PRKDC: variants seen among roughly 807,000 people sequenced by gnomAD.
The protein encoded by PRKDC is protein kinase, DNA-activated, catalytic subunit.
In PRKDC, 82 loss-of-function variants were observed where a neutral mutation model predicts 486.9. That is an observed-to-expected ratio of 0.17 (90% CI 0.14 to 0.20). The LOEUF (loss-of-function observed/expected upper bound fraction) is 0.20, where lower values mean the gene tolerates loss of function less well. PRKDC is among the 10% of genes least tolerant of loss of function. PRKDC has a pLI of 1.00. For synonymous variants in PRKDC, 1,895 were observed against 1,837.0 expected, an observed-to-expected ratio of 1.03 and a Z score of -0.81; for missense variants, 4,504 against 5,038.2, an observed-to-expected ratio of 0.89 and a Z score of 3.21.
At chr8:47,863,640 T>A (rs951186610) in intron 41 of PRKDC, 63 bp from the exon 42 acceptor site, 4 of 1,342,246 alleles carry the variant, frequency 3.0e-6, no homozygotes, top group Non-Finnish European at 2.1e-6. Flanking sequence ...TCTTATAGAA[T>A]ATATCAAATT....
rs559257944 is a variant in PRKDC, at chr8:47,822,291, A to G, written c.8923-499T>C. 6.5e-3 allele frequency among the ~76,000 whole-genome samples: 957 copies of G among 147,124 alleles called. 8 individuals are homozygous for G. Among genetic ancestry groups the G allele is most frequent in the African/African-American group, 0.011 (458 of 40,686 alleles). ...CTGGGTGACCCTGTTTTAAGAGAGA[A>G]AAAAAAAAAAAAGCCACAAAAATCC... On this transcript the variant is annotated intron_variant, in intron 64 of 85. Transcript: ENST00000314191.
rs776860306 is a variant in PRKDC, at chr8:47,817,572, T to G, written c.9446-11A>C. 1 of 1,498,214 alleles carries G rather than the reference T, an allele frequency of 6.7e-7. No homozygotes were observed. Among genetic ancestry groups the G allele is most frequent in the Admixed American group, 1.8e-5 (1 of 54,350 alleles). 92.8% of individuals were successfully genotyped at this position (1,498,214 alleles called of 1,614,324 possible). A position where few individuals can be genotyped will look rare whatever the true frequency, so the allele number is the denominator to read the frequency against. The stretch of plus-strand genomic sequence containing the variant: ...GAGATGATAAATTGCCTAAAAATAG[T>G]ATTAGAGGGTGACTATACACACAGC... On this transcript the variant is annotated splice_polypyrimidine_tract_variant and intron_variant, in intron 67 of 85. Coordinates refer to ENST00000314191, the MANE Select transcript of PRKDC (RefSeq NM_006904.7).
chr8:47,903,377 T>A (rs1374632627), intron 26 of PRKDC, among the ~76,000 whole-genome samples: 1 of 152,178 alleles, frequency 6.6e-6, no homozygotes, highest in East Asian at 1.9e-4. Context: ...TGACGCTGTC[T>A]CAGATCTACA....
At chr8:47,829,279 C>T (rs77321258) in intron 61 of PRKDC, among the ~76,000 whole-genome samples, 1,798 of 152,122 alleles carry the variant, frequency 0.012, 46 homozygotes, top group African/African-American at 0.04. Flanking sequence ...ATTATGTTTA[C>T]AATATAATGA....
In PRKDC at chr8:47,774,075, A is replaced by G. The variant is rs907939746; in HGVS notation, c.*98T>C. 18 of 1,205,290 alleles carry G rather than the reference A, an allele frequency of 1.5e-5. No homozygotes were observed. The African/African-American group carries it at 2.2e-4, about 14-fold the overall frequency. 74.7% of individuals were successfully genotyped at this position (1,205,290 alleles called of 1,614,324 possible). A position where few individuals can be genotyped will look rare whatever the true frequency, so the allele number is the denominator to read the frequency against. On this transcript the variant is annotated 3_prime_UTR_variant, in exon 86 of 86. Coordinates refer to ENST00000314191, the MANE Select transcript of PRKDC (RefSeq NM_006904.7). The stretch of plus-strand genomic sequence containing the variant: ...TGTAGCACAAAAGACATTTCTCTTT[A>G]GTGTTTCAGGAAAATCAGCTCATGG...
intron 83 of PRKDC, 143 bp downstream of exon 83, chr8:47,778,316 C>T: frequency 2.3e-6 from 2 of 864,956 alleles, no homozygotes; most frequent in East Asian, 2.7e-5. Context: ...AAGTGATTAT[C>T]CCTTTCTGCA....
intron 23 of PRKDC, 41 bp from the exon 24 acceptor site, chr8:47,914,105 T>C (rs748078800): frequency 4.3e-6 from 6 of 1,382,170 alleles, no homozygotes; most frequent in Admixed American, 5.6e-5. Context: ...ACTTTTTTTC[T>C]TTTTATTAGT....
rs749630133 is a variant in PRKDC, at chr8:47,864,594, C to A, written c.5533G>T (p.Val1845Leu). The A allele has an allele frequency of 3.8e-5, 61 of 1,610,246 alleles. No homozygotes were observed. The highest frequency in any genetic ancestry group is 4.6e-5 in the Non-Finnish European group (54 of 1,178,678). Reference sequence around the variant, plus strand: ...GACTTCAACACATCAATGGCATCCACCACAATTGTGCTGAAGAATTCTCTC... The same window carrying A: ...GACTTCAACACATCAATGGCATCCAACACAATTGTGCTGAAGAATTCTCTC... ...ALREFFSTIV[V>L]DAIDVLKSRF... The change falls in exon 41 of 86, where the codon GTG becomes TTG. Residue 1845 changes from valine (V) to leucine (L), a missense_variant. Physicochemically the swap from Val to Leu is conservative, Grantham distance 32. Coordinates refer to ENST00000314191, the MANE Select transcript of PRKDC (RefSeq NM_006904.7).
chr8:47,913,873 T>C (rs763020024), intron 24 of PRKDC, 28 bp downstream of exon 24: 2 of 1,569,900 alleles, frequency 1.3e-6, no homozygotes, highest in Admixed American at 1.9e-5. Context: ...AGGATCTAAA[T>C]AATGGGTGAA....
At chr8:47,824,034 T>G (rs753304823) in intron 63 of PRKDC, 38 bp from the exon 64 acceptor site, 34 of 1,472,892 alleles carry the variant, frequency 2.3e-5, no homozygotes, top group Non-Finnish European at 2.9e-5. Context: ...CAATGAACAC[T>G]CCAGTATTTT....
At chr8:47,809,896 G>T (rs768241900) in intron 68 of PRKDC, among the ~76,000 whole-genome samples, 22 of 152,120 alleles carry the variant, frequency 1.4e-4, no homozygotes, top group Non-Finnish European at 2.5e-4. Context: ...GGAGTGTGGT[G>T]GCAATGTGAC....
At chr8:47,856,329 G>A (rs1267835916) in intron 49 of PRKDC, among the ~76,000 whole-genome samples, 2 of 152,080 alleles carry the variant, frequency 1.3e-5, no homozygotes, top group African/African-American at 4.8e-5. Context: ...CCGGGTTTAA[G>A]CAATTCTCCT....
chr8:47,834,884 G>A (rs2087978763), intron 58 of PRKDC, among the ~76,000 whole-genome samples: 1 of 151,774 alleles, frequency 6.6e-6, no homozygotes, highest in Non-Finnish European at 1.5e-5. Flanking sequence ...TAGAGACGGG[G>A]TTTCACCGTG....
At chr8:47,885,849 G>T in intron 36 of PRKDC, 95 bp downstream of exon 36, 1 of 1,187,198 alleles carries the variant, frequency 8.4e-7, no homozygotes, top group Non-Finnish European at 1.2e-6. Flanking sequence ...CAGAGATCGT[G>T]CCACTGCACT....
At position 47,830,602 on chromosome 8, in the gene PRKDC, G is replaced by C; in HGVS notation, c.8397+3C>G. 1 of 1,613,190 alleles carries C rather than the reference G, an allele frequency of 6.2e-7. No homozygotes were observed. The highest frequency in any genetic ancestry group is 8.5e-7 in the Non-Finnish European group (1 of 1,179,460). On this transcript the variant is annotated splice_donor_region_variant and intron_variant, in intron 61 of 85. Transcript: ENST00000314191. Reference sequence around the variant, plus strand: ...AACAGAAAACGCAGCGGCAAAAACTGACCTGGGCCACGGCCTGTAACGGGG... The same window carrying C: ...AACAGAAAACGCAGCGGCAAAAACTCACCTGGGCCACGGCCTGTAACGGGG...
intron 43 of PRKDC, 71 bp from the exon 44 acceptor site, chr8:47,862,198 TTAATGCTATG>T (rs1398106958): frequency 3.3e-5 from 47 of 1,441,396 alleles, no homozygotes; most frequent in African/African-American, 5.7e-5. Flanking sequence ...TACTTTAGAA[TTAATGCTATG>T]TAATAGCTCA....
At chr8:47,919,520 T>C (rs2090039993) in intron 21 of PRKDC, among the ~76,000 whole-genome samples, 1 of 152,226 alleles carries the variant, frequency 6.6e-6, no homozygotes, top group Admixed American at 6.5e-5. Context: ...GTGCATTCAC[T>C]GACACAGCCA....
At chr8:47,890,156 A>AATG (rs1196468213) in intron 32 of PRKDC, 101 bp downstream of exon 32, 14 of 462,078 alleles carry the variant, frequency 3.0e-5, no homozygotes, top group African/African-American at 3.0e-4. Context: ...TAATAATAAT[A>AATG]ATGATAAATT....
rs1563826990 is a variant in PRKDC at position 47,959,938 on chromosome 8, GACCCACCCGCGGCCCAGCTCGGGCCGGT to G, written c.154+7_154+34del. The G allele has an allele frequency of 2.6e-6, 4 of 1,530,386 alleles. No individual in the cohort carries two copies. The highest frequency in any genetic ancestry group is 1.4e-5 in the African/African-American group (1 of 72,886). 94.8% of individuals were successfully genotyped at this position (1,530,386 alleles called of 1,614,324 possible). ...GCTCCAGAACGACTCGGGAAGCCAGGACCCACCCGCGGCCCAGCTCGGGCCGGTACCCACCCAGCACCGCGGGGCTGCT... is the reference window on the plus strand; with the variant it reads ...GCTCCAGAACGACTCGGGAAGCCAGGACCCACCCAGCACCGCGGGGCTGCT... On this transcript the variant is annotated splice_region_variant and intron_variant, in intron 1 of 85. Transcript: ENST00000314191.
Sources: gnomAD v4.1 joint callset for allele counts (sites outside exome capture counted in the v4.1 genomes callset) on GRCh38, gnomAD v4.1.1 for gene constraint, MANE v1.5 for transcripts, NCBI Gene and HGNC (gene_info 2026-07-23, HGNC 2026-07-21) for gene names.